The following DISP1 variants were observed in gnomAD, a reference collection of about 807,000 sequenced individuals.
The protein encoded by DISP1 is dispatched RND transporter family member 1.
A neutral mutation model predicts 37.3 loss-of-function variants in DISP1; 30 were observed. The observed-to-expected ratio is 0.80, with a 90% CI of 0.60 to 1.09. The LOEUF (loss-of-function observed/expected upper bound fraction) is 1.09. DISP1 is among the 50% of genes least tolerant of loss of function. The pLI is 0.00. For missense variants in DISP1, 1,598 were observed against 1,879.5 expected (o/e 0.85, Z 2.77); for synonymous variants, 634 against 690.2 (o/e 0.92, Z 1.28).
chr1:222,866,079 T>C (rs191351518), intron 1 of DISP1, among the ~76,000 whole-genome samples: 7 of 152,226 alleles, frequency 4.6e-5, no homozygotes, highest in Non-Finnish European at 7.4e-5. Context: ...CAATGTCTAG[T>C]TCTCCCTGCT....
chr1:222,819,224 G>A (rs972851918), intron 1 of DISP1, among the ~76,000 whole-genome samples: 2 of 152,184 alleles, frequency 1.3e-5, no homozygotes, highest in African/African-American at 4.8e-5. Flanking sequence ...ATGATTGTAA[G>A]TTTCCTGAGG....
intron 3 of DISP1, among the ~76,000 whole-genome samples, chr1:222,965,855 T>TGA (rs1458483525): frequency 6.6e-6 from 1 of 152,114 alleles, no homozygotes; most frequent in Non-Finnish European, 1.5e-5. Context: ...GACGACACAG[T>TGA]GAGACCTCGT....
chr1:222,962,272 G>A (rs1263074547), intron 3 of DISP1, among the ~76,000 whole-genome samples: 1 of 152,026 alleles, frequency 6.6e-6, no homozygotes, highest in Non-Finnish European at 1.5e-5. Flanking sequence ...CACTGCTCAA[G>A]GAAATAAGAG....
intron 1 of DISP1, among the ~76,000 whole-genome samples, chr1:222,844,157 C>T (rs1404029574): frequency 6.6e-6 from 1 of 152,058 alleles, no homozygotes; most frequent in Non-Finnish European, 1.5e-5. Flanking sequence ...TTGAGGTTCC[C>T]TCAATTCCCT....
chr1:222,931,359 C>G (rs1419296719), intron 2 of DISP1, among the ~76,000 whole-genome samples: 1 of 150,818 alleles, frequency 6.6e-6, no homozygotes, highest in African/African-American at 2.4e-5. Context: ...TCCATGGTAT[C>G]TTTTAGACAT....
At chr1:222,937,796 C>CTTTT (rs10714424) in intron 2 of DISP1, among the ~76,000 whole-genome samples, 41 of 56,486 alleles carry the variant, frequency 7.3e-4, no homozygotes, top group African/African-American at 2.1e-3. Flanking sequence ...AATAGCTTGC[C>CTTTT]TTTTTTTTTT....
intron 3 of DISP1, among the ~76,000 whole-genome samples, chr1:222,945,201 G>A (rs1674685744): frequency 6.6e-6 from 1 of 152,144 alleles, no homozygotes; most frequent in African/African-American, 2.4e-5. Context: ...TTCACAGCAT[G>A]TTACTGCAGT....
At chr1:222,989,859 G>A (rs918072768) in intron 4 of DISP1, among the ~76,000 whole-genome samples, 2 of 151,276 alleles carry the variant, frequency 1.3e-5, no homozygotes, top group Non-Finnish European at 2.9e-5. Flanking sequence ...CTGGAGTGCA[G>A]TGGCATGATC....
chr1:222,907,687 C>T (rs1283896624), intron 1 of DISP1, among the ~76,000 whole-genome samples: 1 of 152,240 alleles, frequency 6.6e-6, no homozygotes, highest in Non-Finnish European at 1.5e-5. Context: ...TGCAGTGGCT[C>T]ATGCCTGTAA....
intron 1 of DISP1, among the ~76,000 whole-genome samples, chr1:222,887,498 T>TCAAAA (rs1436850461): frequency 1.5e-4 from 19 of 123,746 alleles, no homozygotes; most frequent in South Asian, 5.7e-4. Context: ...TTTTTTTTTT[T>TCAAAA]TTTTTTTTTT....
chr1:222,929,528 A>T (rs1479218281), intron 2 of DISP1, among the ~76,000 whole-genome samples: 1 of 152,110 alleles, frequency 6.6e-6, no homozygotes, highest in Non-Finnish European at 1.5e-5. Flanking sequence ...TGTTGAACGA[A>T]GAAGAAGGAA....
chr1:222,971,921 G>A lies in DISP1; in HGVS notation c.510-11159G>A, dbSNP rs190694813. On this transcript the variant is annotated intron_variant, in intron 3 of 8. Coordinates refer to ENST00000675850, the MANE Select transcript of DISP1 (RefSeq NM_001377229.1). ...GTGAGAAATGTGTGTGTATCTTAAT[G>A]AAGGTAATAAAATATATTTGTTGAA... Among the ~76,000 whole-genome samples, 3 of 152,210 alleles carry A rather than the reference G, an allele frequency of 2.0e-5. No homozygotes were observed. In the East Asian group the frequency reaches 5.8e-4, roughly 29 times the overall value.
rs1333135737 is a variant in DISP1, at chr1:222,992,784, A to C, written c.889+674A>C. On this transcript the variant is annotated intron_variant, in intron 7 of 8. Coordinates refer to ENST00000675850, the MANE Select transcript of DISP1 (RefSeq NM_001377229.1). ...GCCCTGTCGAAAGAAATCGGCTGCT[A>C]CTTAGCCGCGACAAAAGATGGGGTT... Among the ~76,000 whole-genome samples the C allele has an allele frequency of 1.3e-5, 2 of 152,104 alleles. 1 individual carries two copies. The highest frequency in any genetic ancestry group is 4.8e-5 in the African/African-American group (2 of 41,424).
Position 222,943,098 on chromosome 1 carries a change from C to G in DISP1, c.275C>G (p.Thr92Ser), listed in dbSNP as rs141066173. The G allele has an allele frequency of 3.9e-4, 623 of 1,614,166 alleles. 6 individuals carry two copies. The African/African-American group carries it at 7.1e-3, about 18-fold the overall frequency. The change falls in exon 3 of 9, where the codon ACT becomes AGT. Residue 92 changes from threonine (T) to serine (S), a missense_variant. Thr to Ser is a moderately conservative substitution (Grantham distance 58). Transcript: ENST00000675850. ...CHPCPYHHPL[T>S]SHSSHQECHP... ...CCTTGCCCATACCATCACCCTTTGA[C>G]TAGCCATAGCAGTCACCAAGAGTGC... is the stretch of plus-strand genomic sequence containing the variant.
chr1:222,974,663 G>A (rs1342124684), intron 3 of DISP1, among the ~76,000 whole-genome samples: 2 of 152,088 alleles, frequency 1.3e-5, no homozygotes, highest in African/African-American at 4.8e-5. Context: ...CACACAAGTA[G>A]TTGTGGTTTT....
chr1:222,818,153 G>T (rs561530351), intron 1 of DISP1, among the ~76,000 whole-genome samples: 1 of 152,058 alleles, frequency 6.6e-6, no homozygotes, highest in African/African-American at 2.4e-5. Flanking sequence ...TGCATGGGGG[G>T]GTGGGGGAAG....
At chr1:222,912,101 C>T (rs1322589659) in intron 1 of DISP1, among the ~76,000 whole-genome samples, 1 of 152,052 alleles carries the variant, frequency 6.6e-6, no homozygotes, top group Non-Finnish European at 1.5e-5. Flanking sequence ...CCAGAAGTAC[C>T]TTATTTTTCA....
intron 2 of DISP1, among the ~76,000 whole-genome samples, chr1:222,931,761 A>G (rs1460447263): frequency 6.6e-6 from 1 of 150,860 alleles, no homozygotes; most frequent in Non-Finnish European, 1.5e-5. Context: ...CCTTCATTTT[A>G]GAGACTGACC....
chr1:222,904,333 A>G (rs939682520), intron 1 of DISP1, among the ~76,000 whole-genome samples: 2 of 152,164 alleles, frequency 1.3e-5, no homozygotes, highest in Admixed American at 1.3e-4. Context: ...CTTCGCTATT[A>G]CATCATAAGT....
Sources: gnomAD v4.1 joint callset for allele counts (sites outside exome capture counted in the v4.1 genomes callset) on GRCh38, gnomAD v4.1.1 for gene constraint, MANE v1.5 for transcripts, NCBI Gene and HGNC (gene_info 2026-07-23, HGNC 2026-07-21) for gene names.